NLGN4X: variants seen among roughly 807,000 people sequenced by gnomAD.
NLGN4X encodes the protein neuroligin-4, X-linked.
A neutral mutation model predicts 40.3 loss-of-function variants in NLGN4X; 3 were observed. The observed-to-expected ratio is 0.07, with a 90% confidence interval of 0.03 to 0.19. The LOEUF is 0.19. Ranked by LOEUF, NLGN4X falls within the 10% of genes least tolerant of loss-of-function variation. The pLI is 1.00. For synonymous variants in NLGN4X, 270 were observed against 306.8 expected (o/e 0.88, Z 1.25); for missense variants, 382 against 708.3 (o/e 0.54, Z 5.23).
chrX:6,052,983 A>G (rs2037530804), intron 2 of NLGN4X, among the ~76,000 whole-genome samples: 4 of 111,986 alleles, frequency 3.6e-5, no homozygotes, highest in African/African-American at 1.3e-4. Context: ...TCCACTTTTA[A>G]TTCACTCTCC....
At chrX:6,225,005 TATATATAC>T (rs1392032679) in intron 1 of NLGN4X, among the ~76,000 whole-genome samples, 11 of 55,667 alleles carry the variant, frequency 2.0e-4, no homozygotes, top group African/African-American at 6.1e-4. Context: ...TATATATATA[TATATATAC>T]ACACACACAC....
chrX:5,948,516 T>A (rs2034204169), intron 3 of NLGN4X, among the ~76,000 whole-genome samples: 1 of 112,121 alleles, frequency 8.9e-6, no homozygotes, highest in African/African-American at 3.2e-5. Context: ...TTGCTTGCAG[T>A]TGCACAGTGC....
At chrX:6,092,461 T>C (rs947470817) in intron 2 of NLGN4X, among the ~76,000 whole-genome samples, 5 of 112,080 alleles carry the variant, frequency 4.5e-5, no homozygotes, top group African/African-American at 1.6e-4. Context: ...TCTTACACTC[T>C]AGCTTCTATC....
intron 4 of NLGN4X, among the ~76,000 whole-genome samples, chrX:5,907,803 C>G (rs2032272651): frequency 9.4e-6 from 1 of 106,620 alleles, no homozygotes. Context: ...TCTGGACACT[C>G]CCTAGTGCTG....
intron 2 of NLGN4X, among the ~76,000 whole-genome samples, chrX:6,140,003 G>A (rs1349104952): frequency 9.0e-6 from 1 of 111,591 alleles, no homozygotes; most frequent in Non-Finnish European, 1.9e-5. Context: ...ACAGGCAAAT[G>A]GGATGTTAGG....
chrX:6,008,403 T>C (rs975104321), intron 3 of NLGN4X, among the ~76,000 whole-genome samples: 2 of 112,271 alleles, frequency 1.8e-5, no homozygotes, highest in Non-Finnish European at 3.8e-5. Context: ...GCGGTACTGA[T>C]TGATACATGC....
intron 2 of NLGN4X, among the ~76,000 whole-genome samples, chrX:6,125,032 A>G (rs1044192585): frequency 5.3e-5 from 6 of 112,464 alleles, no homozygotes; most frequent in African/African-American, 1.9e-4. Flanking sequence ...GTGTGTATGT[A>G]TATGTGTGCA....
intron 1 of NLGN4X, among the ~76,000 whole-genome samples, chrX:6,214,086 C>T (rs1261003328): frequency 2.7e-5 from 3 of 111,734 alleles, no homozygotes; most frequent in South Asian, 3.8e-4. Flanking sequence ...GAAAGCATCT[C>T]GATAAAAGCT....
chrX:6,203,128 T>C (rs1421463510), intron 1 of NLGN4X, among the ~76,000 whole-genome samples: 1 of 112,585 alleles, frequency 8.9e-6, no homozygotes, highest in East Asian at 2.8e-4. Flanking sequence ...GATTGCCCCA[T>C]TGCCTACAGA....
At chrX:6,022,336 T>C (rs1425752590) in intron 3 of NLGN4X, among the ~76,000 whole-genome samples, 4 of 112,206 alleles carry the variant, frequency 3.6e-5, no homozygotes, top group Non-Finnish European at 7.5e-5. Context: ...TATATACGCT[T>C]ATGAACTTTT....
chrX:5,898,985 G>C lies in NLGN4X; in HGVS notation c.1601+4092C>G, dbSNP rs551793670. 3.6e-4 allele frequency among the ~76,000 whole-genome samples: 40 copies of C among 112,045 alleles called. No individual in the cohort carries two copies. The South Asian group carries it at 0.015, about 41-fold the overall frequency. On this transcript the variant is annotated intron_variant, in intron 5 of 5. Coordinates refer to ENST00000381095, the MANE Select transcript of NLGN4X (RefSeq NM_181332.3). ...ACTACCAACTGCAACTGAAGTCCTT[G>C]TCATCCACTGACGAATACCTAGCTC...
chrX:6,115,576 C>T (rs992790756), intron 2 of NLGN4X, among the ~76,000 whole-genome samples: 6 of 111,832 alleles, frequency 5.4e-5, no homozygotes, highest in African/African-American at 2.0e-4. Flanking sequence ...GAAGCCAGAA[C>T]TGATTCTTGC....
intron 3 of NLGN4X, among the ~76,000 whole-genome samples, chrX:5,960,938 T>C (rs751832418): frequency 3.6e-5 from 4 of 112,301 alleles, no homozygotes; most frequent in Non-Finnish European, 5.6e-5. Context: ...TAAAAATGCT[T>C]AAAATATTCA....
In NLGN4X at chrX:6,095,651, C is replaced by T. The variant is rs114187832; in HGVS notation, c.472+55344G>A. 4.1e-3 allele frequency among the ~76,000 whole-genome samples: 461 copies of T among 112,095 alleles called. 5 individuals are homozygous for T. Among genetic ancestry groups the T allele is most frequent in the African/African-American group, 0.014 (433 of 30,868 alleles). ...AACACAATAGATTAGGCTAGGATTACCATACTGGTGCTCAATGAAGACAAT... is the reference window on the plus strand; with the variant it reads ...AACACAATAGATTAGGCTAGGATTATCATACTGGTGCTCAATGAAGACAAT... On this transcript the variant is annotated intron_variant, in intron 2 of 5. Transcript: ENST00000381095.
At chrX:5,959,141 C>A (rs2034581911) in intron 3 of NLGN4X, among the ~76,000 whole-genome samples, 1 of 111,777 alleles carries the variant, frequency 8.9e-6, no homozygotes. Flanking sequence ...AGAGGTACAA[C>A]TTCTATCATG....
chrX:6,185,740 A>G (rs772540459), intron 1 of NLGN4X, among the ~76,000 whole-genome samples: 9 of 112,230 alleles, frequency 8.0e-5, no homozygotes, highest in Non-Finnish European at 1.7e-4. Context: ...TGTGAAAAAA[A>G]CAGTCAAGAT....
chrX:6,036,170 G>GA (rs1481800044), intron 2 of NLGN4X, among the ~76,000 whole-genome samples: 1 of 111,482 alleles, frequency 9.0e-6, no homozygotes, highest in African/African-American at 3.3e-5. Flanking sequence ...TTAAAATAGA[G>GA]AAATGGAAGC....
intron 3 of NLGN4X, among the ~76,000 whole-genome samples, chrX:5,918,869 T>C (rs1053214513): frequency 8.9e-6 from 1 of 112,151 alleles, no homozygotes; most frequent in African/African-American, 3.2e-5. Context: ...AGTGCAATTC[T>C]GTTTTCACTA....
intron 3 of NLGN4X, among the ~76,000 whole-genome samples, chrX:6,025,606 T>C (rs1055862424): frequency 8.9e-6 from 1 of 111,982 alleles, no homozygotes; most frequent in Non-Finnish European, 1.9e-5. Context: ...AAATCTTTTT[T>C]AAAAGGTTAT....
Sources: gnomAD v4.1 joint callset for allele counts (sites outside exome capture counted in the v4.1 genomes callset) on GRCh38, gnomAD v4.1.1 for gene constraint, MANE v1.5 for transcripts, NCBI Gene and HGNC (gene_info 2026-07-23, HGNC 2026-07-21) for gene names.